Variants in PDE5A observed in about 807,000 individuals in gnomAD.
PDE5A encodes the protein cGMP-specific 3',5'-cyclic phosphodiesterase.
In PDE5A, 67 loss-of-function variants were observed where a neutral mutation model predicts 110.2. That is an observed-to-expected ratio of 0.61 (90% confidence interval 0.50 to 0.75). The LOEUF (loss-of-function observed/expected upper bound fraction) is 0.75. PDE5A is among the 30% of genes least tolerant of loss of function. PDE5A has a pLI of 0.00. For missense variants in PDE5A, 862 were observed against 1,045.1 expected (o/e 0.82, Z 2.42); for synonymous variants, 328 against 351.2 (o/e 0.93, Z 0.74).
intron 3 of PDE5A, among the ~76,000 whole-genome samples, chr4:119,581,418 A>G (rs142552665): frequency 6.6e-6 from 1 of 152,320 alleles, no homozygotes; most frequent in East Asian, 1.9e-4. Flanking sequence ...TAAGATATTC[A>G]AGAAAAACAT....
chr4:119,499,987 TAA>T (rs1159852329), intron 20 of PDE5A: 18 of 151,754 alleles, frequency 1.2e-4, no homozygotes, highest in African/African-American at 3.9e-4. Flanking sequence ...TATATATATA[TAA>T]ATGTAGAAGG....
intron 1 of PDE5A, among the ~76,000 whole-genome samples, chr4:119,617,280 G>A (rs943741321): frequency 1.3e-5 from 2 of 152,104 alleles, no homozygotes; most frequent in South Asian, 2.1e-4. Context: ...CCTCTATCTA[G>A]AAGTATTAAA....
At chr4:119,504,156 G>T (rs766886059) in intron 18 of PDE5A, among the ~76,000 whole-genome samples, 1 of 151,892 alleles carries the variant, frequency 6.6e-6, no homozygotes, top group South Asian at 2.1e-4. Context: ...TTATGTCCGT[G>T]TGTACCTACT....
At chr4:119,502,922 AT>A (rs1034490355) in intron 18 of PDE5A, among the ~76,000 whole-genome samples, 3 of 138,160 alleles carry the variant, frequency 2.2e-5, no homozygotes, top group African/African-American at 7.9e-5. Flanking sequence ...TGTTTTCTTC[AT>A]TTATTTTCTC....
intron 9 of PDE5A, chr4:119,552,081 A>ATGT (rs1560612346): frequency 6.6e-6 from 1 of 152,180 alleles, no homozygotes. Flanking sequence ...TTCTATAATC[A>ATGT]TGTTAAGAAC....
chr4:119,557,350 A>G (rs1366140972), intron 7 of PDE5A, among the ~76,000 whole-genome samples: 1 of 152,136 alleles, frequency 6.6e-6, no homozygotes, highest in Non-Finnish European at 1.5e-5. Context: ...TGGTTCTCAC[A>G]GGGTGTTTTC....
At chr4:119,520,512 T>C (rs1726085789) in intron 13 of PDE5A, among the ~76,000 whole-genome samples, 1 of 152,106 alleles carries the variant, frequency 6.6e-6, no homozygotes, top group South Asian at 2.1e-4. Flanking sequence ...GAAAATGCGA[T>C]ACAGACCCCT....
chr4:119,526,087 A>T (rs1215537025), intron 11 of PDE5A, among the ~76,000 whole-genome samples: 2 of 152,150 alleles, frequency 1.3e-5, no homozygotes, highest in Non-Finnish European at 2.9e-5. Flanking sequence ...GCTGCAAATC[A>T]TCTGGTAAGA....
chr4:119,526,319 G>A (rs1726317010), intron 11 of PDE5A, among the ~76,000 whole-genome samples: 1 of 152,070 alleles, frequency 6.6e-6, no homozygotes, highest in Non-Finnish European at 1.5e-5. Context: ...CACCATACTT[G>A]CCTCACACAA....
At chr4:119,521,371 G>T (rs1314420953) in intron 12 of PDE5A, among the ~76,000 whole-genome samples, 3 of 140,820 alleles carry the variant, frequency 2.1e-5, no homozygotes, top group Admixed American at 1.4e-4. Context: ...CACTGGGTAG[G>T]TTTTTTTTTT....
chr4:119,600,559 C>T (rs1729310222), intron 2 of PDE5A, among the ~76,000 whole-genome samples: 1 of 151,892 alleles, frequency 6.6e-6, no homozygotes, highest in African/African-American at 2.4e-5. Context: ...CTCAAACATT[C>T]TGATTAGCCA....
chr4:119,564,612 G>A (rs1292948942), intron 5 of PDE5A, among the ~76,000 whole-genome samples: 1 of 152,040 alleles, frequency 6.6e-6, no homozygotes, highest in Admixed American at 6.6e-5. Flanking sequence ...AATGGAGTTT[G>A]GGGAGAGGAG....
Position 119,606,762 on chromosome 4 carries a change from C to T in PDE5A, c.688G>A (p.Val230Met), listed in dbSNP as rs201218529. ...TCACCAAGCGCTGCCACATGTCCCACAATGCCTTTGTTCCATTCTAAGCGG... is the reference window on the plus strand; with the variant it reads ...TCACCAAGCGCTGCCACATGTCCCATAATGCCTTTGTTCCATTCTAAGCGG... ...CIRLEWNKGIVGHVAALGEPL... is the reference protein window; with the variant it reads ...CIRLEWNKGIMGHVAALGEPL... Residue 230 changes from valine to methionine, a missense_variant, in exon 2 of 21, where the codon GTG becomes ATG. Transcript: ENST00000354960. The T allele has an allele frequency of 1.9e-6, 3 of 1,614,192 alleles. No individual in the cohort carries two copies. The highest frequency in any genetic ancestry group is 1.7e-6 in the Non-Finnish European group (2 of 1,180,044).
At chr4:119,610,086 CAT>C (rs1249927988) in intron 1 of PDE5A, among the ~76,000 whole-genome samples, 4 of 152,114 alleles carry the variant, frequency 2.6e-5, no homozygotes, top group Non-Finnish European at 5.9e-5. Context: ...TTTTTAAAAA[CAT>C]ATAATTGTCC....
intron 1 of PDE5A, among the ~76,000 whole-genome samples, chr4:119,608,864 C>T (rs1317836786): frequency 6.6e-6 from 1 of 152,056 alleles, no homozygotes; most frequent in Non-Finnish European, 1.5e-5. Context: ...GTTGTAGTAA[C>T]AATTGATATT....
Position 119,497,229 on chromosome 4 carries a change from C to G in PDE5A, c.*1372G>C, listed in dbSNP as rs1725109929. ...CAAATCAAGCAAATCTCTCCTTCTACTCTCCCCAAATCCAAACATTCCTGC... is the reference window on the plus strand; with the variant it reads ...CAAATCAAGCAAATCTCTCCTTCTAGTCTCCCCAAATCCAAACATTCCTGC... On this transcript the variant is annotated 3_prime_UTR_variant, in exon 21 of 21. Transcript: ENST00000354960. 6.6e-6 allele frequency: 1 copy of G among 152,076 alleles called. No individual in the cohort carries two copies. Among genetic ancestry groups the G allele is most frequent in the Non-Finnish European group, 1.5e-5 (1 of 67,988 alleles). The allele number at this position is 152,076 out of a possible 1,614,324, so 9.4% of individuals were successfully genotyped here.
rs759083952 is a variant in PDE5A at position 119,627,173 on chromosome 4, CAT to C, written c.152+1345_152+1346del. 6.2e-7 allele frequency: 1 copy of C among 1,613,208 alleles called. No individual in the cohort carries two copies. Among genetic ancestry groups the C allele is most frequent in the Non-Finnish European group, 8.5e-7 (1 of 1,179,532 alleles). On this transcript the variant is annotated intron_variant, in intron 1 of 20. Transcript: ENST00000354960. The surrounding 1 kb of genome is among the most constrained non-coding windows in gnomAD (Gnocchi z 4.6). ...ACCTTGTTTTGTCTCCAAAGGGCAA[CAT>C]AGCAAACGTGGGAAGTTCGTTTTCG... is the stretch of plus-strand genomic sequence containing the variant.
chr4:119,554,440 A>C (rs1727469973), intron 7 of PDE5A, among the ~76,000 whole-genome samples: 3 of 152,196 alleles, frequency 2.0e-5, no homozygotes, highest in South Asian at 4.1e-4. Context: ...ATGAAAGATT[A>C]ATCTGATGCC....
chr4:119,549,463 T>TCAAA (rs1271221781), intron 9 of PDE5A: 5 of 152,220 alleles, frequency 3.3e-5, no homozygotes, highest in Admixed American at 2.6e-4. Context: ...TATTTCTCTG[T>TCAAA]CAAACAATGT....
Sources: allele counts gnomAD v4.1 joint callset (sites outside exome capture counted in the v4.1 genomes callset), GRCh38; gene constraint gnomAD v4.1.1; non-coding constraint Gnocchi (gnomAD v3.1); transcripts MANE v1.5; gene names NCBI Gene and HGNC (gene_info 2026-07-23, HGNC 2026-07-21).